The following KCNQ5 variants were observed in gnomAD, a reference collection of about 807,000 sequenced individuals.
KCNQ5 encodes potassium voltage-gated channel subfamily KQT member 5.
Under a neutral mutation model 98.2 loss-of-function variants are expected in KCNQ5, and 30 were observed. That is an observed-to-expected ratio of 0.31 (90% confidence interval 0.23 to 0.41). The LOEUF (loss-of-function observed/expected upper bound fraction) is 0.41, where lower values mean the gene tolerates loss of function less well. Among genes scored for constraint, KCNQ5 ranks in the 10% least tolerant of loss-of-function variants. The pLI is 1.00. For synonymous variants in KCNQ5, 458 were observed against 449.4 expected (o/e 1.02, Z -0.24); for missense variants, 835 against 1,182.5 (o/e 0.71, Z 4.31).
intron 1 of KCNQ5, among the ~76,000 whole-genome samples, chr6:72,832,721 G>C (rs1017265116): frequency 2.6e-5 from 4 of 152,124 alleles, no homozygotes; most frequent in African/African-American, 9.7e-5. Context: ...GTAGAAGAAA[G>C]ACTAAATATT....
At chr6:72,747,444 G>A (rs926292454) in intron 1 of KCNQ5, among the ~76,000 whole-genome samples, 1 of 152,096 alleles carries the variant, frequency 6.6e-6, no homozygotes, top group Non-Finnish European at 1.5e-5. Flanking sequence ...TGCCAAAGTG[G>A]CCCATGACAC....
rs116215099 is a variant in KCNQ5 at position 73,059,814 on chromosome 6, G to A, written c.617-17508G>A. On this transcript the variant is annotated intron_variant, in intron 3 of 13. Transcript: ENST00000370398. The stretch of plus-strand genomic sequence containing the variant: ...GTTCTTCATACTGTGATAAATGAAT[G>A]TAAGTATTATGTTTACATAGATGAA... Among the ~76,000 whole-genome samples the A allele has an allele frequency of 4.2e-3, 635 of 152,120 alleles. 2 individuals are homozygous for A. Among genetic ancestry groups the A allele is most frequent in the African/African-American group, 0.014 (597 of 41,504 alleles).
At chr6:73,158,437 T>G (rs967964101) in intron 10 of KCNQ5, among the ~76,000 whole-genome samples, 1 of 151,914 alleles carries the variant, frequency 6.6e-6, no homozygotes, top group Non-Finnish European at 1.5e-5. Context: ...TGGCTAATTT[T>G]TGTCTTTTTA....
chr6:72,827,288 G>A (rs540617756), intron 1 of KCNQ5, among the ~76,000 whole-genome samples: 2 of 152,186 alleles, frequency 1.3e-5, no homozygotes, highest in East Asian at 3.9e-4. Flanking sequence ...GTGGTTTTAT[G>A]AGAAACCTCC....
intron 10 of KCNQ5, among the ~76,000 whole-genome samples, chr6:73,149,791 C>CG (rs1364434804): frequency 2.7e-5 from 3 of 109,792 alleles, no homozygotes; most frequent in Non-Finnish European, 5.1e-5. Flanking sequence ...TGGGAGACTC[C>CG]GAAAAAAAAA....
chr6:72,735,553 CTATG>C (rs1176699229), intron 1 of KCNQ5, among the ~76,000 whole-genome samples: 3 of 151,956 alleles, frequency 2.0e-5, no homozygotes, highest in Admixed American at 6.6e-5. Context: ...TAAAAAATGA[CTATG>C]TATCTTTAAA....
At chr6:72,642,499 T>C (rs1176092487) in intron 1 of KCNQ5, among the ~76,000 whole-genome samples, 2 of 151,896 alleles carry the variant, frequency 1.3e-5, no homozygotes, top group African/African-American at 2.4e-5. Flanking sequence ...AACAAACATA[T>C]GAAAAAAATG....
chr6:73,082,035 G>A (rs962851783), intron 5 of KCNQ5, among the ~76,000 whole-genome samples: 5 of 152,312 alleles, frequency 3.3e-5, no homozygotes, highest in Admixed American at 2.0e-4. Flanking sequence ...CTGTATTTGA[G>A]CATAGGAAAC....
At chr6:72,892,791 C>G (rs993786205) in intron 1 of KCNQ5, among the ~76,000 whole-genome samples, 3 of 150,948 alleles carry the variant, frequency 2.0e-5, no homozygotes, top group Non-Finnish European at 4.4e-5. Context: ...CAGAAAGTAT[C>G]AGTTTTCGGA....
chr6:73,096,135 A>T (rs1774484333), intron 5 of KCNQ5, among the ~76,000 whole-genome samples: 1 of 152,146 alleles, frequency 6.6e-6, no homozygotes. Context: ...TGAAGAACTT[A>T]GAGTCCAGTG....
intron 1 of KCNQ5, among the ~76,000 whole-genome samples, chr6:72,786,491 A>T (rs1773747099): frequency 6.6e-6 from 1 of 152,182 alleles, no homozygotes; most frequent in South Asian, 2.1e-4. Context: ...TGCAGCTCAC[A>T]TCATTTGGGA....
In KCNQ5 at chr6:73,085,579, C is replaced by A. The variant is rs559615851; in HGVS notation, c.918+7692C>A. On this transcript the variant is annotated intron_variant, in intron 5 of 13. Transcript: ENST00000370398. ...AATGTGATCATCCCGGAAGCCTGAA[C>A]CGGAGTGTAGGGAGAAAGTGGGCAG... is the stretch of plus-strand genomic sequence containing the variant. 2.0e-5 allele frequency among the ~76,000 whole-genome samples: 3 copies of A among 152,302 alleles called. No individual in the cohort carries two copies. The South Asian group carries it at 6.2e-4, about 32-fold the overall frequency.
intron 1 of KCNQ5, among the ~76,000 whole-genome samples, chr6:72,711,227 A>G (rs1157231160): frequency 1.3e-5 from 2 of 152,034 alleles, no homozygotes; most frequent in East Asian, 3.9e-4. Flanking sequence ...ATGTGAGTAC[A>G]CAGCAAGAAG....
intron 1 of KCNQ5, among the ~76,000 whole-genome samples, chr6:72,705,443 T>C (rs1769022362): frequency 1.3e-5 from 2 of 152,184 alleles, no homozygotes; most frequent in South Asian, 4.1e-4. Flanking sequence ...ACAAGTTGCT[T>C]CTTTGTGAAA....
intron 1 of KCNQ5, among the ~76,000 whole-genome samples, chr6:72,638,665 A>G (rs1370963597): frequency 6.6e-6 from 1 of 152,160 alleles, no homozygotes; most frequent in Non-Finnish European, 1.5e-5. Context: ...TGTTGATTCA[A>G]ATTCCCTTTC....
rs534049938 is a variant in KCNQ5, at chr6:72,942,444, G to A, written c.399-61464G>A. 1.3e-4 allele frequency among the ~76,000 whole-genome samples: 20 copies of A among 152,172 alleles called. No individual in the cohort carries two copies. The East Asian group carries it at 1.4e-3, about 10-fold the overall frequency. On this transcript the variant is annotated intron_variant, in intron 1 of 13. Coordinates refer to ENST00000370398, the MANE Select transcript of KCNQ5 (RefSeq NM_019842.4). ...GAATCATTCTTGACACCTTAGCTCCGTACCTGCCAAGTAGACATAAGGAGG... is the reference window on the plus strand; with the variant it reads ...GAATCATTCTTGACACCTTAGCTCCATACCTGCCAAGTAGACATAAGGAGG...
Position 73,194,749 on chromosome 6 carries a change from C to G in KCNQ5, c.2134C>G (p.Gln712Glu), listed in dbSNP as rs1423418301. ...CGCGCTTAGCCCTACTATGCACAGT[C>G]AAGCAACACAGGTGCCAATTAGTCA... ...FYALSPTMHSQATQVPISQSD... is the reference protein window; with the variant it reads ...FYALSPTMHSEATQVPISQSD... The change falls in exon 14 of 14, where the codon CAA becomes GAA. Residue 712 changes from glutamine to glutamate, a missense_variant. Physicochemically the swap from Gln to Glu is conservative, Grantham distance 29 (BLOSUM62 2). This residue lies in a region of KCNQ5 where 416 missense variants were observed against 446.9 expected (regional missense o/e 0.93). Coordinates refer to ENST00000370398, the MANE Select transcript of KCNQ5 (RefSeq NM_019842.4). 6.2e-7 allele frequency: 1 copy of G among 1,614,252 alleles called. No individual in the cohort carries two copies. The highest frequency in any genetic ancestry group is 8.5e-7 in the Non-Finnish European group (1 of 1,180,044).
chr6:72,782,315 G>T (rs1210799118), intron 1 of KCNQ5, among the ~76,000 whole-genome samples: 1 of 152,038 alleles, frequency 6.6e-6, no homozygotes, highest in African/African-American at 2.4e-5. Context: ...AAGACATGAT[G>T]ACTTGAGCAG....
intron 1 of KCNQ5, among the ~76,000 whole-genome samples, chr6:72,925,918 A>G (rs993603551): frequency 6.6e-6 from 1 of 152,224 alleles, no homozygotes; most frequent in African/African-American, 2.4e-5. Flanking sequence ...TATGAAAGGT[A>G]ATGAGAAGCT....
Sources: allele counts gnomAD v4.1 joint callset (sites outside exome capture counted in the v4.1 genomes callset), GRCh38; gene constraint gnomAD v4.1.1; regional missense constraint gnomAD v4.1.1; transcripts MANE v1.5; gene names NCBI Gene and HGNC (gene_info 2026-07-23, HGNC 2026-07-21).